Variants in THSD7B observed in about 807,000 individuals in gnomAD.
The protein encoded by THSD7B is thrombospondin type-1 domain-containing protein 7B.
A neutral mutation model predicts 213.6 loss-of-function variants in THSD7B; 138 were observed. The observed-to-expected ratio is 0.65, with a 90% CI of 0.56 to 0.74. The LOEUF (loss-of-function observed/expected upper bound fraction) is 0.74. Ranked by LOEUF, THSD7B falls within the 30% of genes least tolerant of loss-of-function variation. The probability of loss-of-function intolerance (pLI) is 0.00; values close to 1 mark genes in which losing one functional copy is unlikely to be tolerated. For missense variants in THSD7B, 1,931 were observed against 1,991.5 expected (o/e 0.97, Z 0.58); for synonymous variants, 742 against 687.0 (o/e 1.08, Z -1.25).
intron 3 of THSD7B, among the ~76,000 whole-genome samples, chr2:137,085,023 A>G (rs1021440089): frequency 6.6e-6 from 1 of 152,182 alleles, no homozygotes. Context: ...GTAAAAGTCT[A>G]TATAGTTTGT....
chr2:137,072,261 T>C (rs1242190107), intron 3 of THSD7B, among the ~76,000 whole-genome samples: 1 of 152,224 alleles, frequency 6.6e-6, no homozygotes, highest in Non-Finnish European at 1.5e-5. Context: ...CTTCCGTTTC[T>C]TTGTATCCTC....
At chr2:136,995,804 G>C (rs1467733946) in intron 2 of THSD7B, among the ~76,000 whole-genome samples, 1 of 152,096 alleles carries the variant, frequency 6.6e-6, no homozygotes, top group Admixed American at 6.5e-5. Context: ...GCTTGTCGAA[G>C]GTAGAATTTT....
chr2:137,125,092 T>A (rs1442766285), intron 5 of THSD7B, among the ~76,000 whole-genome samples: 15 of 152,178 alleles, frequency 9.9e-5, no homozygotes, highest in Non-Finnish European at 1.5e-5. Flanking sequence ...TCTATGGGCA[T>A]TTACAATTTA....
chr2:137,184,923 T>G, intron 7 of THSD7B, among the ~76,000 whole-genome samples: 1 of 152,214 alleles, frequency 6.6e-6, no homozygotes, highest in East Asian at 1.9e-4. Flanking sequence ...TTGGGAAAAG[T>G]TCTTTATTCT....
chr2:137,007,421 A>T (rs182504390), intron 2 of THSD7B, among the ~76,000 whole-genome samples: 1 of 152,300 alleles, frequency 6.6e-6, no homozygotes, highest in African/African-American at 2.4e-5. Flanking sequence ...ACACTAATAG[A>T]GATAGATGGC....
intron 17 of THSD7B, among the ~76,000 whole-genome samples, chr2:137,588,186 T>C (rs995098088): frequency 1.3e-5 from 2 of 152,152 alleles, no homozygotes; most frequent in African/African-American, 4.8e-5. Context: ...ATTGAAAAAG[T>C]GCAATATTAG....
chr2:136,931,485 T>C (rs1314387204), intron 2 of THSD7B, among the ~76,000 whole-genome samples: 1 of 152,172 alleles, frequency 6.6e-6, no homozygotes, highest in Non-Finnish European at 1.5e-5. Flanking sequence ...TGCTCCATGT[T>C]TGGGCTAATG....
chr2:137,657,202 C>T (rs746963465), intron 24 of THSD7B, 42 bp downstream of exon 24: 1 of 1,563,160 alleles, frequency 6.4e-7, no homozygotes, highest in Non-Finnish European at 8.8e-7. Context: ...CACAAACACC[C>T]CTGAGTGTTG....
rs567854645 is a variant in THSD7B, at chr2:137,325,056, G to A, written c.2500+49030G>A. 5.9e-5 allele frequency among the ~76,000 whole-genome samples: 9 copies of A among 152,344 alleles called. No individual in the cohort carries two copies. In the East Asian group the frequency reaches 7.7e-4, roughly 13 times the overall value. Reference sequence around the variant, plus strand: ...CATAGGCATTGGCGTTAAGCAGTGCGTCTATTCGAGATGTTGTTGCTATAG... The same window carrying A: ...CATAGGCATTGGCGTTAAGCAGTGCATCTATTCGAGATGTTGTTGCTATAG... On this transcript the variant is annotated intron_variant, in intron 12 of 27. Coordinates refer to ENST00000409968, the MANE Select transcript of THSD7B (RefSeq NM_001316349.2).
intron 12 of THSD7B, among the ~76,000 whole-genome samples, chr2:137,330,249 C>T (rs974332429): frequency 6.6e-6 from 1 of 152,120 alleles, no homozygotes; most frequent in Non-Finnish European, 1.5e-5. Flanking sequence ...GGGTCAGAAC[C>T]CCCACACGGA....
At chr2:137,518,092 C>T (rs4257433) in intron 15 of THSD7B, among the ~76,000 whole-genome samples, 3,453 of 152,132 alleles carry the variant, frequency 0.023, 61 homozygotes, top group Middle Eastern at 0.037. Context: ...TGATTGGGCT[C>T]AAGCAGTCCC....
chr2:137,103,716 A>C (rs1348381053), intron 4 of THSD7B, among the ~76,000 whole-genome samples: 1 of 152,128 alleles, frequency 6.6e-6, no homozygotes, highest in African/African-American at 2.4e-5. Flanking sequence ...AGAAAAAAAA[A>C]AGAAGCAGGG....
Position 137,343,964 on chromosome 2 carries a change from C to T in THSD7B, c.2501-61649C>T, listed in dbSNP as rs75378869. 4.3e-3 allele frequency among the ~76,000 whole-genome samples: 648 copies of T among 151,634 alleles called. 3 individuals are homozygous for T. The highest frequency in any genetic ancestry group is 0.015 in the African/African-American group (615 of 41,442). On this transcript the variant is annotated intron_variant, in intron 12 of 27. Transcript: ENST00000409968. ...CACATGTTGAGTTCTTTGAAATGGC[C>T]TAAAAAAATAACATTCCTTTGTTAT...
At chr2:137,415,664 GT>G (rs10563702) in intron 14 of THSD7B, among the ~76,000 whole-genome samples, 7,200 of 80,204 alleles carry the variant, frequency 0.09, 260 homozygotes, top group East Asian at 0.18. Flanking sequence ...TTATATCAGT[GT>G]TTTTTTTTTT....
At chr2:137,164,621 G>A (rs1233036442) in intron 6 of THSD7B, among the ~76,000 whole-genome samples, 4 of 152,128 alleles carry the variant, frequency 2.6e-5, no homozygotes, top group African/African-American at 9.7e-5. Flanking sequence ...CAAATACTTG[G>A]AACCAACCCA....
At chr2:137,658,778 T>C (rs1683286617) in intron 24 of THSD7B, among the ~76,000 whole-genome samples, 1 of 152,236 alleles carries the variant, frequency 6.6e-6, no homozygotes, top group African/African-American at 2.4e-5. Flanking sequence ...AGGGACAATG[T>C]AGGTCTGACT....
chr2:136,977,214 C>G (rs1311509597), intron 2 of THSD7B, among the ~76,000 whole-genome samples: 1 of 151,986 alleles, frequency 6.6e-6, no homozygotes, highest in Non-Finnish European at 1.5e-5. Context: ...TCTAGATTTT[C>G]TAGTTTATTT....
At chr2:137,392,751 T>C (rs930873796) in intron 12 of THSD7B, among the ~76,000 whole-genome samples, 3 of 152,152 alleles carry the variant, frequency 2.0e-5, no homozygotes, top group Admixed American at 6.5e-5. Flanking sequence ...TCTATGTCTT[T>C]TAAAAGGAAT....
chr2:137,356,967 GACACAC>G (rs3048465), intron 12 of THSD7B, among the ~76,000 whole-genome samples: 4,515 of 140,894 alleles, frequency 0.032, 92 homozygotes, highest in African/African-American at 0.048. Flanking sequence ...CACACACACA[GACACAC>G]ACACACACAC....
Sources: gnomAD v4.1 joint callset for allele counts (sites outside exome capture counted in the v4.1 genomes callset) on GRCh38, gnomAD v4.1.1 for gene constraint, MANE v1.5 for transcripts, NCBI Gene and HGNC (gene_info 2026-07-23, HGNC 2026-07-21) for gene names.